The following TG variants were observed in gnomAD, a reference collection of about 807,000 sequenced individuals.
TG encodes the protein thyroid hormones.
Under a neutral mutation model 324.7 loss-of-function variants are expected in TG, and 270 were observed. That is an observed-to-expected ratio of 0.83 (90% confidence interval 0.75 to 0.92). The LOEUF (loss-of-function observed/expected upper bound fraction) is 0.92, where lower values mean the gene tolerates loss of function less well. Ranked by LOEUF, TG falls within the 40% of genes least tolerant of loss-of-function variation. The pLI, the probability that TG is intolerant of heterozygous loss-of-function variation, is 0.00. For synonymous variants in TG, 1,401 were observed against 1,327.0 expected, an observed-to-expected ratio of 1.06 and a Z score of -1.21; for missense variants, 3,591 against 3,456.4, an observed-to-expected ratio of 1.04 and a Z score of -0.98.
rs1818974392 is a variant in TG, at chr8:132,908,275, T to C, written c.3937T>C (p.Leu1313=). Residue 1313 remains leucine (L), a synonymous_variant, in exon 18 of 48, where the codon TTG becomes CTG. Coordinates refer to ENST00000220616, the MANE Select transcript of TG (RefSeq NM_003235.5). ...GATGTGCAGTGCTGACTACGCGGAT[T>C]TGCTGCAGACTTTCCAGGTTTTCAT... is the stretch of plus-strand genomic sequence containing the variant. ...GKMCSADYAD[L]LQTFQVFILD... The C allele has an allele frequency of 2.5e-6, 4 of 1,613,706 alleles. No individual in the cohort carries two copies. The highest frequency in any genetic ancestry group is 3.4e-6 in the Non-Finnish European group (4 of 1,179,894).
chr8:132,969,598 T>C (rs1320868679), intron 32 of TG, 29 bp downstream of exon 32: 1 of 1,384,610 alleles, frequency 7.2e-7, no homozygotes, highest in African/African-American at 1.4e-5. Flanking sequence ...ACCCCTAATG[T>C]TTATTATGAA....
At chr8:133,093,014 A>C (rs1031926833) in intron 41 of TG, among the ~76,000 whole-genome samples, 2 of 151,994 alleles carry the variant, frequency 1.3e-5, no homozygotes, top group African/African-American at 4.8e-5. Context: ...TGGGGGCCCC[A>C]TCCTGACATT....
intron 11 of TG, among the ~76,000 whole-genome samples, chr8:132,894,687 G>A (rs770878270): frequency 5.3e-5 from 8 of 152,160 alleles, no homozygotes; most frequent in African/African-American, 1.2e-4. Context: ...TCTCGAACCC[G>A]TGACTTCAAG....
intron 35 of TG, among the ~76,000 whole-genome samples, chr8:132,990,664 A>G (rs1344649980): frequency 6.6e-6 from 1 of 152,174 alleles, no homozygotes; most frequent in Admixed American, 6.5e-5. Flanking sequence ...GAATATGCCA[A>G]TCACCATGCT....
chr8:133,081,022 T>C (rs1845663902), intron 41 of TG, among the ~76,000 whole-genome samples: 1 of 152,172 alleles, frequency 6.6e-6, no homozygotes, highest in Non-Finnish European at 1.5e-5. Context: ...TACTTAGGAG[T>C]TGTGTGATCT....
chr8:133,010,735 G>C (rs1587753195), intron 35 of TG, among the ~76,000 whole-genome samples: 1 of 152,306 alleles, frequency 6.6e-6, no homozygotes, highest in East Asian at 1.9e-4. Flanking sequence ...CACTTCGTCT[G>C]GCTCTAGGCA....
chr8:133,005,632 G>A (rs1833953586), intron 35 of TG, among the ~76,000 whole-genome samples: 1 of 152,188 alleles, frequency 6.6e-6, no homozygotes, highest in Admixed American at 6.5e-5. Flanking sequence ...CAGAGAAGGG[G>A]AGTGGCTTGC....
At chr8:132,994,950 G>A (rs967944064) in intron 35 of TG, 1 of 1,079,096 alleles carries the variant, frequency 9.3e-7, no homozygotes, top group Admixed American at 4.8e-5. Context: ...TGTGAGAGGG[G>A]TTGGCTTAAA....
intron 41 of TG, chr8:133,060,230 C>T (rs1296073041): frequency 1.2e-6 from 2 of 1,612,872 alleles, no homozygotes; most frequent in Admixed American, 3.3e-5. Flanking sequence ...CGGGGAAAGT[C>T]AACCGTGCCC....
rs1349803945 is a variant in TG at position 132,888,467 on chromosome 8, G to T, written c.2660G>T (p.Ser887Ile). Residue 887 changes from serine to isoleucine, a missense_variant, in exon 10 of 48, where the codon AGC (serine) becomes ATC (isoleucine). Transcript: ENST00000220616. ...SQYPGSYSDF[S>I]TPLAHFDLRN... ...TACCCGGGGTCCTACTCAGACTTCA[G>T]CACTCCTTTGGCACATTTTGATCTT... 12 of 1,611,140 alleles carry T rather than the reference G, an allele frequency of 7.4e-6. No individual in the cohort carries two copies. The highest frequency in any genetic ancestry group is 1.3e-5 in the African/African-American group (1 of 74,868).
intron 41 of TG, among the ~76,000 whole-genome samples, chr8:133,080,344 A>G (rs568353578): frequency 6.6e-6 from 1 of 152,158 alleles, no homozygotes; most frequent in South Asian, 2.1e-4. Context: ...AGAAACTGGC[A>G]CTCATAGGGC....
intron 40 of TG, among the ~76,000 whole-genome samples, chr8:133,023,364 C>T (rs944195282): frequency 2.0e-5 from 3 of 151,866 alleles, no homozygotes; most frequent in Non-Finnish European, 4.4e-5. Context: ...ATATAACTTC[C>T]CCTTTCCTGG....
At chr8:133,052,465 C>T (rs866969737) in intron 41 of TG, among the ~76,000 whole-genome samples, 17 of 152,110 alleles carry the variant, frequency 1.1e-4, no homozygotes, top group African/African-American at 3.1e-4. Flanking sequence ...CGTGTCGGGA[C>T]GTAAAAGGGC....
At chr8:133,114,112 A>G (rs1850496755) in intron 44 of TG, among the ~76,000 whole-genome samples, 1 of 152,132 alleles carries the variant, frequency 6.6e-6, no homozygotes, top group Non-Finnish European at 1.5e-5. Context: ...TCCACCTTGC[A>G]GTCCAGGCCC....
chr8:133,002,920 G>A (rs1168690916), intron 35 of TG: 4 of 852,390 alleles, frequency 4.7e-6, no homozygotes, highest in Non-Finnish European at 5.8e-6. Flanking sequence ...ACACCTGTGG[G>A]TTATACCTTT....
chr8:132,887,083 C>G lies in TG; in HGVS notation c.1711C>G (p.Leu571Val). The part of the protein sequence containing the change: ...NQNALKFLAS[L>V]LELPEFLLFL... ...AAATGCCCTCAAATTCCTTGCTTCT[C>G]TCCTGGAGCTTCCAGAATTCCTTCT... The change falls in exon 9 of 48, where the codon CTC (leucine) becomes GTC (valine). Residue 571 changes from leucine to valine, a missense_variant. Leu to Val is a conservative substitution (Grantham distance 32). Transcript: ENST00000220616. 1.9e-6 allele frequency: 3 copies of G among 1,614,228 alleles called. No individual in the cohort carries two copies. Among genetic ancestry groups the G allele is most frequent in the Non-Finnish European group, 2.5e-6 (3 of 1,180,048 alleles).
intron 41 of TG, among the ~76,000 whole-genome samples, chr8:133,067,999 T>C (rs956265216): frequency 2.6e-5 from 4 of 151,952 alleles, no homozygotes; most frequent in Non-Finnish European, 5.9e-5. Context: ...ATACATAGAA[T>C]AGATGAAAGG....
At chr8:133,097,798 A>G (rs1348397244) in intron 43 of TG, among the ~76,000 whole-genome samples, 2 of 152,158 alleles carry the variant, frequency 1.3e-5, no homozygotes, top group Non-Finnish European at 2.9e-5. Flanking sequence ...TGTGTTACAT[A>G]TTATATATAT....
chr8:132,916,537 T>C (rs1222963562), intron 20 of TG, among the ~76,000 whole-genome samples: 4 of 152,210 alleles, frequency 2.6e-5, no homozygotes, highest in Non-Finnish European at 5.9e-5. Flanking sequence ...TAAAGCAGGA[T>C]TCTCTGTGTC....
Sources: gnomAD v4.1 joint callset for allele counts (sites outside exome capture counted in the v4.1 genomes callset) on GRCh38, gnomAD v4.1.1 for gene constraint, MANE v1.5 for transcripts, NCBI Gene and HGNC (gene_info 2026-07-23, HGNC 2026-07-21) for gene names.